AVEN: variants seen among roughly 807,000 people sequenced by gnomAD.
The protein encoded by AVEN is cell death regulator Aven.
In AVEN, 41 loss-of-function variants were observed where a neutral mutation model predicts 38.1. The observed-to-expected ratio is 1.08, with a 90% CI of 0.84 to 1.40. The LOEUF is 1.40. Among genes scored for constraint, AVEN ranks in the 40% most tolerant of loss-of-function variants. AVEN has a pLI of 0.00. For synonymous variants in AVEN, 206 were observed against 171.8 expected (o/e 1.20, Z -1.56); for missense variants, 605 against 438.8 (o/e 1.38, Z -3.38).
intron 2 of AVEN, among the ~76,000 whole-genome samples, chr15:33,987,276 G>T (rs1896518377): frequency 6.6e-6 from 1 of 152,042 alleles, no homozygotes; most frequent in South Asian, 2.1e-4. Context: ...CCTTTCTGTT[G>T]GAAAAGGTAC....
At chr15:34,070,363 C>T (rs1035833901) in intron 2 of AVEN, among the ~76,000 whole-genome samples, 4 of 151,064 alleles carry the variant, frequency 2.6e-5, no homozygotes, top group Non-Finnish European at 5.9e-5. Context: ...TCTGGTTTAT[C>T]CCTTCTTTGT....
chr15:33,987,409 G>T (rs1896523794), intron 2 of AVEN, among the ~76,000 whole-genome samples: 1 of 152,198 alleles, frequency 6.6e-6, no homozygotes, highest in African/African-American at 2.4e-5. Context: ...AAAAACAATG[G>T]ACAGCCACCA....
At chr15:33,861,818 TTTGTTTTTG>T (rs1237521100), downstream of AVEN, among the ~76,000 whole-genome samples, 2 of 152,016 alleles carry the variant, frequency 1.3e-5, no homozygotes, top group African/African-American at 4.8e-5. Context: ...ACTGCCTTTT[TTTGTTTTTG>T]TTGGCCAGGC....
At chr15:33,906,719 G>C (rs1367254788) in intron 2 of AVEN, among the ~76,000 whole-genome samples, 3 of 152,166 alleles carry the variant, frequency 2.0e-5, no homozygotes, top group African/African-American at 4.8e-5. Flanking sequence ...GTGGTTGCCA[G>C]GGGTGGTGGA....
intron 2 of AVEN, among the ~76,000 whole-genome samples, chr15:33,923,904 C>G (rs1893505973): frequency 1.3e-5 from 2 of 151,378 alleles, no homozygotes; most frequent in Non-Finnish European, 2.9e-5. Context: ...CTGTCACTAT[C>G]TCCCATCACC....
intron 2 of AVEN, among the ~76,000 whole-genome samples, chr15:33,894,061 T>A (rs1411285286): frequency 6.6e-6 from 1 of 151,776 alleles, no homozygotes; most frequent in Non-Finnish European, 1.5e-5. Flanking sequence ...GTGATTCTCC[T>A]GCCTCAGCCT....
intron 5 of AVEN, among the ~76,000 whole-genome samples, chr15:34,059,630 C>A (rs1468208330): frequency 6.6e-6 from 1 of 152,126 alleles, no homozygotes; most frequent in African/African-American, 2.4e-5. Flanking sequence ...CTTTCCATTC[C>A]TCCTCTTTTG....
At chr15:33,974,402 A>G (rs183112746) in intron 2 of AVEN, among the ~76,000 whole-genome samples, 4 of 152,342 alleles carry the variant, frequency 2.6e-5, no homozygotes, top group East Asian at 3.9e-4. Context: ...TATCTCCCCA[A>G]GTCATCTCTT....
intron 2 of AVEN, among the ~76,000 whole-genome samples, chr15:33,916,872 G>A (rs900110777): frequency 3.9e-4 from 59 of 151,992 alleles, no homozygotes; most frequent in African/African-American, 1.4e-3. Flanking sequence ...GGAGGCCTCA[G>A]GAAACTTACA....
At chr15:33,949,681 G>A (rs2702313) in intron 2 of AVEN, among the ~76,000 whole-genome samples, 9,380 of 152,088 alleles carry the variant, frequency 0.062, 403 homozygotes, top group Non-Finnish European at 0.088. Flanking sequence ...CTGAATTTAC[G>A]AAGAAATCAC....
chr15:33,873,109 T>C (rs868698118), intron 3 of AVEN, among the ~76,000 whole-genome samples: 2,834 of 140,630 alleles, frequency 0.02, 62 homozygotes, highest in African/African-American at 0.063. Context: ...TTTTTTTTTT[T>C]TTTTTTTTTT....
intron 1 of AVEN, among the ~76,000 whole-genome samples, chr15:34,008,427 G>GA (rs567832948): frequency 0.034 from 3,209 of 94,178 alleles, 128 homozygotes; most frequent in African/African-American, 0.14. Flanking sequence ...CTCTTAAAAA[G>GA]AAAAAAAAAA....
At chr15:33,858,388 G>A (rs1821985191), downstream of AVEN, among the ~76,000 whole-genome samples, 1 of 151,970 alleles carries the variant, frequency 6.6e-6, no homozygotes, top group South Asian at 2.1e-4. Flanking sequence ...ATTTTTTTTA[G>A]TAGTGATGGG....
chr15:33,977,190 A>G (rs1895921732), intron 2 of AVEN, among the ~76,000 whole-genome samples: 1 of 152,196 alleles, frequency 6.6e-6, no homozygotes. Flanking sequence ...CACAAAATAT[A>G]CATTTAAAGG....
intron 2 of AVEN, among the ~76,000 whole-genome samples, chr15:33,949,649 T>C (rs925538826): frequency 3.2e-4 from 48 of 152,144 alleles, no homozygotes; most frequent in East Asian, 1.9e-4. Flanking sequence ...AAAATTAGAC[T>C]GGGGAGATGT....
intron 11 of AVEN, chr15:33,860,691 T>TGGAGGTA: frequency 7.0e-7 from 1 of 1,418,848 alleles, no homozygotes; most frequent in Non-Finnish European, 9.8e-7. Flanking sequence ...ATCCCAGCTC[T>TGGAGGTA]ATTTTAATAT....
rs531100966 is a variant in AVEN at position 33,874,778 on chromosome 15, T to C, written c.516+1147A>G. The stretch of plus-strand genomic sequence containing the variant: ...AGTAAACAAGTGCTCTATGTTTTGA[T>C]GAATGACGAAGCTTAGAATTATTTG... On this transcript the variant is annotated intron_variant, in intron 3 of 5. Coordinates refer to ENST00000306730, the MANE Select transcript of AVEN (RefSeq NM_020371.3). Among the ~76,000 whole-genome samples, 11 of 152,336 alleles carry C rather than the reference T, an allele frequency of 7.2e-5. No individual in the cohort carries two copies. The East Asian group carries it at 2.1e-3, about 29-fold the overall frequency.
chr15:33,928,576 C>G (rs538323952), intron 2 of AVEN, among the ~76,000 whole-genome samples: 1 of 152,264 alleles, frequency 6.6e-6, no homozygotes, highest in South Asian at 2.1e-4. Context: ...CTCCAAGACG[C>G]AACTGAATGG....
At chr15:33,856,511 T>C (rs2079676041), downstream of AVEN, 1 of 152,308 alleles carries the variant, frequency 6.6e-6, no homozygotes, top group South Asian at 2.1e-4. Context: ...GGCAGAATTC[T>C]CTGTAATAAA....
Sources: gnomAD v4.1 joint callset for allele counts (sites outside exome capture counted in the v4.1 genomes callset) on GRCh38, gnomAD v4.1.1 for gene constraint, MANE v1.5 for transcripts, NCBI Gene and HGNC (gene_info 2026-07-23, HGNC 2026-07-21) for gene names.